Variants in MAN2A1 observed in about 807,000 individuals in gnomAD.
MAN2A1 encodes alpha-mannosidase 2.
Under a neutral mutation model 142.6 loss-of-function variants are expected in MAN2A1, and 76 were observed. That is an observed-to-expected ratio of 0.53 (90% confidence interval 0.44 to 0.65). MAN2A1 has a LOEUF of 0.65. Among genes scored for constraint, MAN2A1 ranks in the 30% least tolerant of loss-of-function variants. The pLI is 0.00. For synonymous variants in MAN2A1, 559 were observed against 473.2 expected (o/e 1.18, Z -2.35); for missense variants, 1,311 against 1,365.1 (o/e 0.96, Z 0.62).
intron 5 of MAN2A1, among the ~76,000 whole-genome samples, chr5:109,763,289 A>G (rs187045538): frequency 7.1e-4 from 108 of 152,268 alleles, no homozygotes; most frequent in African/African-American, 2.5e-3. Context: ...TATGAATTTA[A>G]TTAGTAGGCT....
intron 3 of MAN2A1, among the ~76,000 whole-genome samples, chr5:109,720,930 A>T (rs1356647290): frequency 2.6e-5 from 4 of 152,206 alleles, no homozygotes; most frequent in African/African-American, 7.2e-5. Context: ...CTACTGCAGG[A>T]TAAAGTGGAT....
chr5:109,758,190 T>G (rs1235355119), intron 5 of MAN2A1, among the ~76,000 whole-genome samples: 3 of 152,168 alleles, frequency 2.0e-5, no homozygotes, highest in Admixed American at 6.5e-5. Flanking sequence ...CATTTGTTAC[T>G]GTCTCTCTTT....
intron 9 of MAN2A1, among the ~76,000 whole-genome samples, chr5:109,782,331 T>C (rs1481405357): frequency 6.6e-6 from 1 of 152,220 alleles, no homozygotes; most frequent in Non-Finnish European, 1.5e-5. Flanking sequence ...GTCCAAAATA[T>C]AGTCATTAGG....
At chr5:109,835,874 T>C (rs1255681847) in intron 16 of MAN2A1, among the ~76,000 whole-genome samples, 1 of 152,164 alleles carries the variant, frequency 6.6e-6, no homozygotes, top group Non-Finnish European at 1.5e-5. Flanking sequence ...ATTAGGCGGC[T>C]TCAGATAAAT....
chr5:109,786,903 G>A (rs894085392), intron 10 of MAN2A1, among the ~76,000 whole-genome samples: 2 of 151,990 alleles, frequency 1.3e-5, no homozygotes, highest in Admixed American at 1.3e-4. Context: ...AACTGGTTCT[G>A]GTATGGCAGC....
chr5:109,817,149 G>A (rs987230928), intron 12 of MAN2A1, 124 bp from the exon 13 acceptor site: 4 of 894,294 alleles, frequency 4.5e-6, no homozygotes, highest in Non-Finnish European at 5.0e-6. Context: ...CTGGGTGACA[G>A]AGTGAGACGC....
chr5:109,722,490 C>G (rs777539526), intron 3 of MAN2A1, among the ~76,000 whole-genome samples: 2 of 152,196 alleles, frequency 1.3e-5, no homozygotes, highest in Non-Finnish European at 2.9e-5. Flanking sequence ...TCTCAGTTCA[C>G]TGCAACTTCT....
intron 1 of MAN2A1, among the ~76,000 whole-genome samples, chr5:109,700,117 T>G (rs1364196523): frequency 6.6e-6 from 1 of 152,148 alleles, no homozygotes; most frequent in Non-Finnish European, 1.5e-5. Context: ...GTTTTTTCTG[T>G]CTATTTCTAA....
intron 16 of MAN2A1, among the ~76,000 whole-genome samples, chr5:109,833,270 C>T (rs1280058258): frequency 3.9e-5 from 6 of 152,230 alleles, no homozygotes; most frequent in East Asian, 1.9e-4. Context: ...GACAGGGTGG[C>T]GGCCGGGCAG....
chr5:109,712,308 A>G (rs996286338), intron 1 of MAN2A1, among the ~76,000 whole-genome samples: 6 of 152,134 alleles, frequency 3.9e-5, no homozygotes, highest in African/African-American at 1.4e-4. Context: ...AAAGCATATC[A>G]TGTCATACAT....
intron 12 of MAN2A1, among the ~76,000 whole-genome samples, chr5:109,796,678 G>A (rs1380058260): frequency 6.6e-6 from 1 of 152,196 alleles, no homozygotes; most frequent in Non-Finnish European, 1.5e-5. Flanking sequence ...GATATTCTTT[G>A]TTGAAGAAAG....
At chr5:109,855,080 G>T (rs765736384) in intron 19 of MAN2A1, 60 bp from the exon 20 acceptor site, 9 of 844,976 alleles carry the variant, frequency 1.1e-5, no homozygotes, top group Non-Finnish European at 1.4e-5. Flanking sequence ...AGATAATTCT[G>T]TTAATATGAT....
At chr5:109,779,860 A>G (rs1753404395) in intron 8 of MAN2A1, among the ~76,000 whole-genome samples, 1 of 152,154 alleles carries the variant, frequency 6.6e-6, no homozygotes, top group Non-Finnish European at 1.5e-5. Flanking sequence ...AAAATTGCTT[A>G]TCTTTAATAT....
chr5:109,833,578 G>A (rs1165713096), intron 16 of MAN2A1, among the ~76,000 whole-genome samples: 1 of 151,896 alleles, frequency 6.6e-6, no homozygotes, highest in Admixed American at 6.6e-5. Context: ...GCTGAAGCAG[G>A]AGAATCAGGC....
chr5:109,798,336 C>T (rs1302039348), intron 12 of MAN2A1, among the ~76,000 whole-genome samples: 2 of 152,180 alleles, frequency 1.3e-5, no homozygotes, highest in South Asian at 2.1e-4. Context: ...TATCAGTGTA[C>T]TGTTAACTCC....
At chr5:109,700,524 A>T (rs1750949417) in intron 1 of MAN2A1, among the ~76,000 whole-genome samples, 1 of 152,136 alleles carries the variant, frequency 6.6e-6, no homozygotes. Flanking sequence ...GAGCATCGGA[A>T]CATTGAAGAC....
chr5:109,765,990 G>C (rs888119949), intron 5 of MAN2A1, among the ~76,000 whole-genome samples: 13 of 151,968 alleles, frequency 8.6e-5, no homozygotes. Context: ...GGTATGTAGA[G>C]GCCAAGATGT....
intron 16 of MAN2A1, among the ~76,000 whole-genome samples, chr5:109,835,813 G>A (rs1755042156): frequency 6.6e-6 from 1 of 152,174 alleles, no homozygotes; most frequent in Admixed American, 6.5e-5. Flanking sequence ...AAATGATCTG[G>A]AGAGGTGGAG....
intron 12 of MAN2A1, among the ~76,000 whole-genome samples, chr5:109,807,572 A>G (rs1034324982): frequency 6.6e-6 from 1 of 152,036 alleles, no homozygotes; most frequent in Non-Finnish European, 1.5e-5. Flanking sequence ...CCTTCCTTGT[A>G]TATCCCATCC....
Sources: gnomAD v4.1 joint callset for allele counts (sites outside exome capture counted in the v4.1 genomes callset) on GRCh38, gnomAD v4.1.1 for gene constraint, MANE v1.5 for transcripts, NCBI Gene and HGNC (gene_info 2026-07-23, HGNC 2026-07-21) for gene names.